Variants in CAMTA1 observed in about 807,000 individuals in gnomAD.
CAMTA1 encodes calmodulin binding transcription activator 1, also known as calmodulin-binding transcription activator 1.
Under a neutral mutation model 170.9 loss-of-function variants are expected in CAMTA1, and 27 were observed. That is an observed-to-expected ratio of 0.16 (90% CI 0.12 to 0.22). The LOEUF (loss-of-function observed/expected upper bound fraction) is 0.22. Ranked by LOEUF, CAMTA1 falls within the 10% of genes least tolerant of loss-of-function variation. The pLI, the probability that CAMTA1 is intolerant of heterozygous loss-of-function variation, is 1.00. For missense variants in CAMTA1, 1,619 were observed against 2,217.2 expected, an observed-to-expected ratio of 0.73 and a Z score of 5.42; for synonymous variants, 833 against 891.5, an observed-to-expected ratio of 0.93 and a Z score of 1.17.
chr1:7,408,112 A>C (rs2090434083), intron 5 of CAMTA1, among the ~76,000 whole-genome samples: 2 of 152,164 alleles, frequency 1.3e-5, no homozygotes, highest in African/African-American at 4.8e-5. Flanking sequence ...GAGGCATCTC[A>C]GGGACAGAGC....
chr1:7,553,882 T>C (rs2094841788), intron 6 of CAMTA1, among the ~76,000 whole-genome samples: 3 of 152,312 alleles, frequency 2.0e-5, no homozygotes, highest in Admixed American at 2.0e-4. Flanking sequence ...GAAGTGATTG[T>C]CACCCTGTGC....
intron 6 of CAMTA1, among the ~76,000 whole-genome samples, chr1:7,546,453 G>T (rs1361148771): frequency 6.6e-6 from 1 of 152,142 alleles, no homozygotes; most frequent in Non-Finnish European, 1.5e-5. Context: ...GAATAGTGCT[G>T]CAATGAACAT....
At position 7,455,257 on chromosome 1, in the gene CAMTA1, G is replaced by T. The variant is rs1474522740; in HGVS notation, c.439-12573G>T. Among the ~76,000 whole-genome samples the T allele has an allele frequency of 6.6e-6, 1 of 152,188 alleles. No individual in the cohort carries two copies. Among genetic ancestry groups the T allele is most frequent in the Non-Finnish European group, 1.5e-5 (1 of 68,038 alleles). On this transcript the variant is annotated intron_variant, in intron 5 of 22. Coordinates refer to ENST00000303635, the MANE Select transcript of CAMTA1 (RefSeq NM_015215.4). This position sits in a 1 kb window ranked among gnomAD's most constrained non-coding sequence, Gnocchi z 5.0. The stretch of plus-strand genomic sequence containing the variant: ...TTCTGCGTGTGTGTTTCCGACACTG[G>T]CTCCCAGGTGGAAGGCCTGATGCCG...
At chr1:7,056,996 T>C (rs1327330787) in intron 3 of CAMTA1, among the ~76,000 whole-genome samples, 4 of 152,138 alleles carry the variant, frequency 2.6e-5, no homozygotes, top group Non-Finnish European at 4.4e-5. Flanking sequence ...GACCATGACC[T>C]CTTCTCCTCC....
At chr1:7,649,583 A>C (rs2095834816) in intron 7 of CAMTA1, among the ~76,000 whole-genome samples, 1 of 60,444 alleles carries the variant, frequency 1.7e-5, no homozygotes, top group South Asian at 5.2e-4. Context: ...CTTCCTTCCT[A>C]CTTTGCTCCA....
intron 5 of CAMTA1, among the ~76,000 whole-genome samples, chr1:7,282,690 GC>G (rs1671691786): frequency 6.6e-6 from 1 of 152,108 alleles, no homozygotes; most frequent in East Asian, 1.9e-4. Flanking sequence ...GAGAGTTGGG[GC>G]TGCCCTCCCT....
At chr1:7,552,220 G>T (rs1234703677) in intron 6 of CAMTA1, among the ~76,000 whole-genome samples, 3 of 152,234 alleles carry the variant, frequency 2.0e-5, no homozygotes, top group Non-Finnish European at 4.4e-5. Flanking sequence ...GCCTAGCTCT[G>T]GAGGCAAGGG....
chr1:6,939,247 G>C (rs2149414437), intron 3 of CAMTA1, among the ~76,000 whole-genome samples: 1 of 152,278 alleles, frequency 6.6e-6, no homozygotes, highest in Non-Finnish European at 1.5e-5. Flanking sequence ...AATTAATACT[G>C]ATTTTATTTC....
chr1:7,346,652 T>G (rs2084243257), intron 5 of CAMTA1, among the ~76,000 whole-genome samples: 1 of 152,188 alleles, frequency 6.6e-6, no homozygotes. Context: ...AAGTTAAGTT[T>G]GCGCCTCCAG....
intron 5 of CAMTA1, among the ~76,000 whole-genome samples, chr1:7,466,046 G>A (rs997508193): frequency 6.6e-6 from 1 of 152,204 alleles, no homozygotes; most frequent in African/African-American, 2.4e-5. Context: ...CTCATCACAT[G>A]AGTCAAAGTA....
rs181100912 is a variant in CAMTA1 at position 6,997,019 on chromosome 1, C to T, written c.235-94285C>T. On this transcript the variant is annotated intron_variant, in intron 3 of 22. Coordinates refer to ENST00000303635, the MANE Select transcript of CAMTA1 (RefSeq NM_015215.4). ...GATGTCTTTTCGCTTCCAGATGTGT[C>T]GGTTTGCAAGCGAACCTTTTGTTGG... Among the ~76,000 whole-genome samples the T allele has an allele frequency of 9.3e-4, 142 of 152,168 alleles. 2 individuals are homozygous for T. Among genetic ancestry groups the T allele is most frequent in the Non-Finnish European group, 1.4e-3 (95 of 68,014 alleles).
At chr1:7,391,889 CA>C (rs1168027251) in intron 5 of CAMTA1, among the ~76,000 whole-genome samples, 1 of 152,126 alleles carries the variant, frequency 6.6e-6, no homozygotes, top group Non-Finnish European at 1.5e-5. Context: ...GGATATACAG[CA>C]ATTTGTTTAA....
intron 6 of CAMTA1, among the ~76,000 whole-genome samples, chr1:7,563,579 C>A (rs1356241842): frequency 6.6e-6 from 1 of 152,192 alleles, no homozygotes; most frequent in African/African-American, 2.4e-5. Context: ...TGTTAGCAAC[C>A]CTTGGCTTGG....
At chr1:6,988,003 G>A (rs1477591870) in intron 3 of CAMTA1, among the ~76,000 whole-genome samples, 1 of 152,282 alleles carries the variant, frequency 6.6e-6, no homozygotes, top group East Asian at 1.9e-4. Flanking sequence ...AGCAGGAGCT[G>A]CTCTGCTTCC....
intron 5 of CAMTA1, among the ~76,000 whole-genome samples, chr1:7,376,747 C>G (rs2086870784): frequency 6.6e-6 from 1 of 152,216 alleles, no homozygotes. Flanking sequence ...TGTCCGACGT[C>G]TTCCCCTGTC....
At chr1:7,078,536 T>C (rs999383842) in intron 3 of CAMTA1, among the ~76,000 whole-genome samples, 1 of 152,246 alleles carries the variant, frequency 6.6e-6, no homozygotes, top group Non-Finnish European at 1.5e-5. Context: ...ACCCTGTTTC[T>C]TTAGGCTGGC....
Position 7,091,275 on chromosome 1 carries a change from G to A in CAMTA1, c.235-29G>A, listed in dbSNP as rs1641435578. 2.6e-6 allele frequency: 4 copies of A among 1,523,322 alleles called. No individual in the cohort carries two copies. In the African/African-American group the frequency reaches 4.1e-5, roughly 16 times the overall value. 94.4% of individuals were successfully genotyped at this position (1,523,322 alleles called of 1,614,324 possible). ...CAGGATCCAATGTGAGCTAATTGTT[G>A]TTATTATCTTTTTATTCTTCTGTTT... On this transcript the variant is annotated intron_variant, in intron 3 of 22. Coordinates refer to ENST00000303635, the MANE Select transcript of CAMTA1 (RefSeq NM_015215.4).
intron 11 of CAMTA1, among the ~76,000 whole-genome samples, chr1:7,718,604 T>G (rs1347001889): frequency 8.7e-5 from 13 of 149,960 alleles, no homozygotes; most frequent in African/African-American, 3.2e-4. Flanking sequence ...TCACCCAGGC[T>G]GGAGTGCAGT....
intron 5 of CAMTA1, among the ~76,000 whole-genome samples, chr1:7,402,535 G>A (rs2089980335): frequency 6.6e-6 from 1 of 152,188 alleles, no homozygotes; most frequent in African/African-American, 2.4e-5. Context: ...TCTGTGGCCT[G>A]TCATAGGGCC....
Sources: allele counts gnomAD v4.1 joint callset (sites outside exome capture counted in the v4.1 genomes callset), GRCh38; gene constraint gnomAD v4.1.1; non-coding constraint Gnocchi (gnomAD v3.1); transcripts MANE v1.5; gene names NCBI Gene and HGNC (gene_info 2026-07-23, HGNC 2026-07-21).